PTPRN2: variants seen among roughly 807,000 people sequenced by gnomAD.
PTPRN2 encodes the protein receptor-type tyrosine-protein phosphatase N2.
In PTPRN2, 74 loss-of-function variants were observed where a neutral mutation model predicts 118.8. The observed-to-expected ratio is 0.62, with a 90% CI of 0.52 to 0.76. The LOEUF is 0.76. Ranked by LOEUF, PTPRN2 falls within the 30% of genes least tolerant of loss-of-function variation. The pLI is 0.00. For missense variants in PTPRN2, 1,481 were observed against 1,394.4 expected (o/e 1.06, Z -0.99); for synonymous variants, 641 against 608.0 (o/e 1.05, Z -0.80).
chr7:158,141,690 C>T (rs1202951573), intron 6 of PTPRN2, among the ~76,000 whole-genome samples: 2 of 152,154 alleles, frequency 1.3e-5, no homozygotes, highest in Non-Finnish European at 2.9e-5. Flanking sequence ...ACCAGGGTCT[C>T]GCATGGAAAG....
chr7:158,166,103 T>C (rs554470812), intron 6 of PTPRN2, among the ~76,000 whole-genome samples: 1 of 152,212 alleles, frequency 6.6e-6, no homozygotes, highest in South Asian at 2.1e-4. Flanking sequence ...ACACAAGCTG[T>C]GGGCCAGACC....
At position 157,741,555 on chromosome 7, in the gene PTPRN2, C is replaced by T. The variant is rs180953028; in HGVS notation, c.1789-58618G>A. On this transcript the variant is annotated intron_variant, in intron 12 of 22. Coordinates refer to ENST00000389418, the MANE Select transcript of PTPRN2 (RefSeq NM_002847.5). ...TCCCTCCTGGAACCCTCCCCGGAGA[C>T]GCTCTCTTCCTCACCTCTCTCTGGA... 1.5e-3 allele frequency among the ~76,000 whole-genome samples: 236 copies of T among 152,334 alleles called. 2 individuals are homozygous for T. Among genetic ancestry groups the T allele is most frequent in the African/African-American group, 5.1e-3 (212 of 41,570 alleles).
At chr7:158,065,397 G>C (rs775957342) in intron 11 of PTPRN2, among the ~76,000 whole-genome samples, 1 of 152,222 alleles carries the variant, frequency 6.6e-6, no homozygotes, top group African/African-American at 2.4e-5. Context: ...AAAATGCAAC[G>C]TGCAGAATCC....
intron 2 of PTPRN2, among the ~76,000 whole-genome samples, chr7:158,370,458 T>C (rs1006463368): frequency 6.7e-6 from 1 of 149,380 alleles, no homozygotes; most frequent in Non-Finnish European, 1.5e-5. Flanking sequence ...AAAAAATAAA[T>C]AAAGGCTGGG....
At chr7:158,313,033 CAT>C (rs1293370967) in intron 3 of PTPRN2, among the ~76,000 whole-genome samples, 7 of 151,606 alleles carry the variant, frequency 4.6e-5, no homozygotes, top group Admixed American at 2.6e-4. Context: ...GGTATCTACA[CAT>C]GAGCACGTGA....
At chr7:157,548,807 C>T in intron 22 of PTPRN2, 139 bp downstream of exon 22, 1 of 857,744 alleles carries the variant, frequency 1.2e-6, no homozygotes, top group Non-Finnish European at 1.9e-6. Flanking sequence ...GCAAGGCCGG[C>T]ATGGACGAGG....
At chr7:158,273,947 G>A (rs1798743663) in intron 3 of PTPRN2, among the ~76,000 whole-genome samples, 1 of 143,246 alleles carries the variant, frequency 7.0e-6, no homozygotes, top group Admixed American at 6.9e-5. Context: ...CGCAGACACA[G>A]GGGGAGCTGC....
intron 2 of PTPRN2, among the ~76,000 whole-genome samples, chr7:158,408,689 A>G (rs1813784183): frequency 1.3e-5 from 2 of 152,248 alleles, no homozygotes; most frequent in Admixed American, 1.3e-4. Context: ...TGTTTGCAGA[A>G]ATACACCAAA....
intron 11 of PTPRN2, among the ~76,000 whole-genome samples, chr7:157,989,794 A>C (rs1804106196): frequency 6.6e-6 from 1 of 152,088 alleles, no homozygotes; most frequent in Admixed American, 6.5e-5. Flanking sequence ...AACTCAAGGG[A>C]AGCAGCATTG....
chr7:158,300,642 G>C (rs761435545), intron 3 of PTPRN2, among the ~76,000 whole-genome samples: 9 of 92,258 alleles, frequency 9.8e-5, no homozygotes, highest in Non-Finnish European at 1.2e-4. Flanking sequence ...CCACTCCTCT[G>C]CTTACCCAGA....
Position 158,003,664 on chromosome 7 carries a change from G to T in PTPRN2, c.1723+77634C>A, listed in dbSNP as rs185717897. Among the ~76,000 whole-genome samples the T allele has an allele frequency of 3.9e-5, 6 of 152,026 alleles. No individual in the cohort carries two copies. The highest frequency in any genetic ancestry group is 8.8e-5 in the Non-Finnish European group (6 of 68,000). ...TCTGCCCCACCTGTGGGGCTTCACC[G>T]TGGCCACCCGAGCTGACTGACAGGG... On this transcript the variant is annotated intron_variant, in intron 11 of 22. Coordinates refer to ENST00000389418, the MANE Select transcript of PTPRN2 (RefSeq NM_002847.5). The surrounding 1 kb of genome is among the most constrained non-coding windows in gnomAD (Gnocchi z 5.0).
rs1823641470 is a variant in PTPRN2, at chr7:158,517,296, C to G, written c.113-27511G>C. Among the ~76,000 whole-genome samples the G allele has an allele frequency of 6.6e-6, 1 of 152,216 alleles. No homozygotes were observed. The highest frequency in any genetic ancestry group is 2.1e-4 in the South Asian group (1 of 4,834). On this transcript the variant is annotated intron_variant, in intron 1 of 22. Coordinates refer to ENST00000389418, the MANE Select transcript of PTPRN2 (RefSeq NM_002847.5). The surrounding 1 kb of genome is among the most constrained non-coding windows in gnomAD (Gnocchi z 5.3). ...AAACAGCCCACAGCCTTGGAGGAGGCAGAGTGCGGGCAGCGCCCCCTCACA... is the reference window on the plus strand; with the variant it reads ...AAACAGCCCACAGCCTTGGAGGAGGGAGAGTGCGGGCAGCGCCCCCTCACA...
rs978142636 is a variant in PTPRN2, at chr7:158,552,793, C to T, written c.112+34765G>A. Among the ~76,000 whole-genome samples, 18 of 152,234 alleles carry T rather than the reference C, an allele frequency of 1.2e-4. 1 individual carries two copies. The highest frequency in any genetic ancestry group is 1.5e-5 in the Non-Finnish European group (1 of 68,044). On this transcript the variant is annotated intron_variant, in intron 1 of 22. Coordinates refer to ENST00000389418, the MANE Select transcript of PTPRN2 (RefSeq NM_002847.5). ...AGTGTCTACATACACTGACAACAAC[C>T]AGTAAAGACCACACGTTTTGTGCAC...
intron 11 of PTPRN2, among the ~76,000 whole-genome samples, chr7:158,007,607 G>T (rs1805718146): frequency 6.6e-6 from 1 of 152,180 alleles, no homozygotes; most frequent in African/African-American, 2.4e-5. Flanking sequence ...AGGTGCATCT[G>T]ATGAAGGCAT....
At chr7:158,106,061 C>T (rs1218927680) in intron 10 of PTPRN2, among the ~76,000 whole-genome samples, 1 of 152,118 alleles carries the variant, frequency 6.6e-6, no homozygotes, top group Non-Finnish European at 1.5e-5. Context: ...TCCATTCCAA[C>T]TCCATTCAGC....
chr7:157,946,587 G>A (rs945072959), intron 11 of PTPRN2, among the ~76,000 whole-genome samples: 4 of 152,178 alleles, frequency 2.6e-5, no homozygotes, highest in East Asian at 1.9e-4. Flanking sequence ...ATCCTCCACC[G>A]GCTGCCTGGG....
intron 12 of PTPRN2, among the ~76,000 whole-genome samples, chr7:157,879,407 A>T (rs1584938100): frequency 1.3e-5 from 2 of 148,688 alleles, no homozygotes; most frequent in African/African-American, 5.2e-5. Flanking sequence ...GTGCACGCAC[A>T]CGTGCACGCA....
chr7:158,512,947 G>A (rs1014588532), intron 1 of PTPRN2, among the ~76,000 whole-genome samples: 7 of 152,192 alleles, frequency 4.6e-5, no homozygotes, highest in African/African-American at 1.4e-4. Context: ...AAATAAATGG[G>A]AAGAAAGAGA....
rs542237668 is a variant in PTPRN2 at position 158,439,174 on chromosome 7, C to T, written c.163+50561G>A. Reference sequence around the variant, plus strand: ...AGTATGTCTTACACATATTGATTGACGTCTCATGTCTCCCTAAAATGTATA... The same window carrying T: ...AGTATGTCTTACACATATTGATTGATGTCTCATGTCTCCCTAAAATGTATA... On this transcript the variant is annotated intron_variant, in intron 2 of 22. Coordinates refer to ENST00000389418, the MANE Select transcript of PTPRN2 (RefSeq NM_002847.5). Among the ~76,000 whole-genome samples, 11 of 152,278 alleles carry T rather than the reference C, an allele frequency of 7.2e-5. No individual in the cohort carries two copies. In the South Asian group the frequency reaches 1.4e-3, roughly 20 times the overall value.
Sources: gnomAD v4.1 joint callset for allele counts (sites outside exome capture counted in the v4.1 genomes callset) on GRCh38, gnomAD v4.1.1 for gene constraint, Gnocchi (gnomAD v3.1) non-coding constraint, MANE v1.5 for transcripts, NCBI Gene and HGNC (gene_info 2026-07-23, HGNC 2026-07-21) for gene names.